Variants in CCL28 observed in about 807,000 individuals in gnomAD.
CCL28 encodes C-C motif chemokine 28.
A neutral mutation model predicts 7.1 loss-of-function variants in CCL28; 4 were observed. The observed-to-expected ratio is 0.56, with a 90% CI of 0.28 to 1.29. CCL28 has a LOEUF of 1.29. CCL28 is among the 50% of genes most tolerant of loss of function. The pLI is 0.11. For synonymous variants in CCL28, 55 were observed against 57.8 expected, an observed-to-expected ratio of 0.95 and a Z score of 0.22; for missense variants, 151 against 163.4, an observed-to-expected ratio of 0.92 and a Z score of 0.41.
chr5:43,376,362 A>C (rs570668856), downstream of CCL28, among the ~76,000 whole-genome samples: 1 of 152,292 alleles, frequency 6.6e-6, no homozygotes, highest in African/African-American at 2.4e-5. Context: ...TCTGGTGGGT[A>C]GAGGCCAGAG....
At chr5:43,382,374 G>A (rs1740152087) in intron 2 of CCL28, among the ~76,000 whole-genome samples, 1 of 152,078 alleles carries the variant, frequency 6.6e-6, no homozygotes. Flanking sequence ...AAGAAAAGGA[G>A]GAAAAGAGAC....
chr5:43,379,219 T>C lies in CCL28; in HGVS notation c.*2641A>G, dbSNP rs1417702447. 1.3e-5 allele frequency: 2 copies of C among 152,132 alleles called. No individual in the cohort carries two copies. The highest frequency in any genetic ancestry group is 4.8e-5 in the African/African-American group (2 of 41,434). The allele number at this position is 152,132 out of a possible 1,614,324, so 9.4% of individuals were successfully genotyped here. A position where few individuals can be genotyped will look rare whatever the true frequency, so the allele number is the denominator to read the frequency against. ...TTTGGTATCTTAACTTTTATTAATGTTGGTTATCACGGTTAATTAATTTAA... is the reference window on the plus strand; with the variant it reads ...TTTGGTATCTTAACTTTTATTAATGCTGGTTATCACGGTTAATTAATTTAA... On this transcript the variant is annotated 3_prime_UTR_variant, in exon 3 of 3. Coordinates refer to ENST00000361115, the MANE Select transcript of CCL28 (RefSeq NM_148672.3).
chr5:43,393,488 G>T (rs1740668474), intron 1 of CCL28, among the ~76,000 whole-genome samples: 1 of 152,008 alleles, frequency 6.6e-6, no homozygotes, highest in Admixed American at 6.6e-5. Context: ...CCAAGTAGCT[G>T]GGACCACAGG....
downstream of CCL28, among the ~76,000 whole-genome samples, chr5:43,375,803 G>T: frequency 6.6e-6 from 1 of 152,140 alleles, no homozygotes; most frequent in South Asian, 2.1e-4. Context: ...AAAATTAGCC[G>T]GGTGTGGTGG....
At chr5:43,367,256 G>A in the CCL28 span, among the ~76,000 whole-genome samples, 6 of 152,154 alleles carry the variant, frequency 3.9e-5, no homozygotes, top group Admixed American at 2.0e-4. Flanking sequence ...TCTCTCACTG[G>A]TATTCCAGGT....
At chr5:43,385,840 T>A (rs1270106817) in intron 2 of CCL28, among the ~76,000 whole-genome samples, 2 of 152,204 alleles carry the variant, frequency 1.3e-5, no homozygotes, top group African/African-American at 4.8e-5. Context: ...GACTTATGTT[T>A]CTGATTATAT....
At chr5:43,357,795 A>G in the CCL28 span, among the ~76,000 whole-genome samples, 1 of 152,194 alleles carries the variant, frequency 6.6e-6, no homozygotes, top group Admixed American at 6.5e-5. Context: ...GAAAAAAATA[A>G]CTGATGTGAC....
At chr5:43,388,592 A>G in intron 1 of CCL28, 116 bp from the exon 2 acceptor site, 1 of 1,015,710 alleles carries the variant, frequency 9.8e-7, no homozygotes. Flanking sequence ...AGGGGCAAAC[A>G]TGGCTTTGTG....
chr5:43,401,059 G>A (rs1579745321), intron 1 of CCL28, among the ~76,000 whole-genome samples: 4 of 151,118 alleles, frequency 2.6e-5, no homozygotes, highest in African/African-American at 7.3e-5. Flanking sequence ...CTCCAGTGTG[G>A]GCAACAGAGC....
chr5:43,412,240 T>C lies in CCL28; in HGVS notation c.64+13A>G. 6.2e-7 allele frequency: 1 copy of C among 1,608,206 alleles called. No homozygotes were observed. The highest frequency in any genetic ancestry group is 1.3e-5 in the African/African-American group (1 of 74,984). On this transcript the variant is annotated intron_variant, in intron 1 of 2. Transcript: ENST00000361115. ...TTCCAGTGAAGGCCTAAGTGTCCAG[T>C]GCCCCCACTCACCTTCTGAGGCATG...
At position 43,407,756 on chromosome 5, in the gene CCL28, G is replaced by A. The variant is rs570496032; in HGVS notation, c.64+4497C>T. On this transcript the variant is annotated intron_variant, in intron 1 of 2. Coordinates refer to ENST00000361115, the MANE Select transcript of CCL28 (RefSeq NM_148672.3). ...TTACAATCTATCCATCTGACAAAGGGCTAATATCCAGAATCTACAAAGAAC... is the reference window on the plus strand; with the variant it reads ...TTACAATCTATCCATCTGACAAAGGACTAATATCCAGAATCTACAAAGAAC... Among the ~76,000 whole-genome samples the A allele has an allele frequency of 2.6e-5, 4 of 152,264 alleles. No individual in the cohort carries two copies. The East Asian group carries it at 7.7e-4, about 29-fold the overall frequency.
downstream of CCL28, chr5:43,376,614 A>G (rs1040516448): frequency 1.3e-5 from 2 of 152,286 alleles, no homozygotes; most frequent in Non-Finnish European, 2.9e-5. Context: ...CCCACTGTGC[A>G]GTAACAGACT....
intron 2 of CCL28, among the ~76,000 whole-genome samples, chr5:43,385,383 C>A (rs754575512): frequency 2.6e-5 from 4 of 152,142 alleles, no homozygotes; most frequent in Non-Finnish European, 4.4e-5. Flanking sequence ...GTAAGTTTAC[C>A]GTACGTTGAC....
At chr5:43,359,825 A>AC in the CCL28 span, among the ~76,000 whole-genome samples, 4 of 151,776 alleles carry the variant, frequency 2.6e-5, no homozygotes, top group Non-Finnish European at 4.4e-5. Context: ...ACTGAATGAC[A>AC]CCCCCCAGGC....
chr5:43,360,163 C>A, the CCL28 span, among the ~76,000 whole-genome samples: 1 of 151,870 alleles, frequency 6.6e-6, no homozygotes, highest in Non-Finnish European at 1.5e-5. Context: ...ACCGGGTAAT[C>A]CTGCACAAAT....
At chr5:43,389,134 C>T (rs141445798) in intron 1 of CCL28, among the ~76,000 whole-genome samples, 116 of 152,060 alleles carry the variant, frequency 7.6e-4, no homozygotes, top group African/African-American at 2.7e-3. Context: ...TGGAGAGGGA[C>T]GAGTGAAAGG....
chr5:43,410,411 T>C (rs1430967461), intron 1 of CCL28, among the ~76,000 whole-genome samples: 1 of 152,242 alleles, frequency 6.6e-6, no homozygotes, highest in Non-Finnish European at 1.5e-5. Flanking sequence ...TCTCAGGCAA[T>C]GTGATTTTCC....
chr5:43,381,869 A>G lies in CCL28; in HGVS notation c.375T>C (p.Thr125=). Residue 125 remains threonine (T), a synonymous_variant, in exon 3 of 3, where the codon ACT becomes ACC. Coordinates refer to ENST00000361115, the MANE Select transcript of CCL28 (RefSeq NM_148672.3). ...QGKHETYGHK[T]PY ...TTTATCTGTAGACTCTCTAATAAGG[A>G]GTTTTATGGCCGTATGTTTCGTGTT... The G allele has an allele frequency of 6.2e-7, 1 of 1,612,926 alleles. No homozygotes were observed. Among genetic ancestry groups the G allele is most frequent in the Non-Finnish European group, 8.5e-7 (1 of 1,179,294 alleles).
intron 2 of CCL28, 51 bp from the exon 3 acceptor site, chr5:43,382,103 T>C: frequency 2.0e-6 from 3 of 1,530,684 alleles, no homozygotes; most frequent in Non-Finnish European, 2.7e-6. Context: ...CATATATAAA[T>C]AATCACTTAG....
Sources: gnomAD v4.1 joint callset for allele counts (sites outside exome capture counted in the v4.1 genomes callset) on GRCh38, gnomAD v4.1.1 for gene constraint, MANE v1.5 for transcripts, NCBI Gene and HGNC (gene_info 2026-07-23, HGNC 2026-07-21) for gene names.